TMEM117: variants seen among roughly 807,000 people sequenced by gnomAD.
TMEM117 encodes transmembrane protein 117.
In TMEM117, 27 loss-of-function variants were observed where a neutral mutation model predicts 52.4. The observed-to-expected ratio is 0.51, with a 90% CI of 0.38 to 0.71. The LOEUF is 0.71. Ranked by LOEUF, TMEM117 falls within the 30% of genes least tolerant of loss-of-function variation. The pLI is 0.00. For missense variants in TMEM117, 556 were observed against 630.5 expected (o/e 0.88, Z 1.26); for synonymous variants, 215 against 206.3 (o/e 1.04, Z -0.36).
chr12:43,906,704 T>A (rs1398439936), intron 2 of TMEM117, among the ~76,000 whole-genome samples: 1 of 152,076 alleles, frequency 6.6e-6, no homozygotes, highest in Non-Finnish European at 1.5e-5. Context: ...GGTCAGGGAG[T>A]TCCCTTTCCT....
At chr12:44,241,605 C>T (rs749647607) in intron 5 of TMEM117, among the ~76,000 whole-genome samples, 12 of 151,790 alleles carry the variant, frequency 7.9e-5, no homozygotes, top group Admixed American at 1.3e-4. Context: ...AAAACATTTT[C>T]TCTTTGGTTT....
intron 6 of TMEM117, among the ~76,000 whole-genome samples, chr12:44,373,771 CTTTTTTTTTTTTT>C (rs142046499): frequency 1.8e-4 from 11 of 60,038 alleles, no homozygotes; most frequent in African/African-American, 6.5e-4. Flanking sequence ...TGTCCATTTC[CTTTTTTTTTTTTT>C]TTTTTTTTTT....
intron 5 of TMEM117, among the ~76,000 whole-genome samples, chr12:44,252,830 G>C (rs570880890): frequency 2.0e-5 from 3 of 152,284 alleles, no homozygotes; most frequent in African/African-American, 7.2e-5. Flanking sequence ...CATTAAAGGG[G>C]CAGTATGGAC....
the TMEM117 span, among the ~76,000 whole-genome samples, chr12:44,399,034 A>G: frequency 2.6e-5 from 4 of 152,192 alleles, no homozygotes; most frequent in Admixed American, 1.3e-4. Flanking sequence ...TTACAAAATC[A>G]TAGCATCATT....
intron 3 of TMEM117, among the ~76,000 whole-genome samples, chr12:43,963,584 G>C (rs1410309894): frequency 6.6e-6 from 1 of 152,212 alleles, no homozygotes; most frequent in Non-Finnish European, 1.5e-5. Context: ...TTTAAAGACA[G>C]ATTTCCCTGA....
At chr12:43,873,803 G>C (rs1943746651) in intron 2 of TMEM117, among the ~76,000 whole-genome samples, 1 of 151,862 alleles carries the variant, frequency 6.6e-6, no homozygotes, top group African/African-American at 2.4e-5. Flanking sequence ...AGAATACTTT[G>C]ATAAGTTCTC....
chr12:44,366,689 G>A (rs1951794265), intron 6 of TMEM117, among the ~76,000 whole-genome samples: 1 of 152,058 alleles, frequency 6.6e-6, no homozygotes, highest in African/African-American at 2.4e-5. Context: ...TCATTGGGTG[G>A]TCCAAAGGGG....
At chr12:44,338,051 T>C (rs79028746) in intron 6 of TMEM117, among the ~76,000 whole-genome samples, 4,231 of 152,196 alleles carry the variant, frequency 0.028, 98 homozygotes, top group African/African-American at 0.055. Context: ...GCTTTCAGAA[T>C]CTTGTTTTAA....
intron 3 of TMEM117, among the ~76,000 whole-genome samples, chr12:43,957,314 A>G (rs1945325180): frequency 6.6e-6 from 1 of 152,214 alleles, no homozygotes; most frequent in Non-Finnish European, 1.5e-5. Flanking sequence ...TTAAAAAAAG[A>G]AAAAGCTATA....
At chr12:44,020,623 A>G (rs1186117789) in intron 3 of TMEM117, among the ~76,000 whole-genome samples, 1 of 152,224 alleles carries the variant, frequency 6.6e-6, no homozygotes, top group Non-Finnish European at 1.5e-5. Flanking sequence ...CACTAAGGCT[A>G]TGAATGCTGA....
intron 4 of TMEM117, among the ~76,000 whole-genome samples, chr12:44,169,407 G>A (rs1001820551): frequency 5.9e-5 from 9 of 152,118 alleles, no homozygotes; most frequent in Admixed American, 3.9e-4. Flanking sequence ...GTGAAGTCGT[G>A]TCTCTTCATG....
intron 3 of TMEM117, among the ~76,000 whole-genome samples, chr12:43,961,602 T>G (rs1945404617): frequency 6.6e-6 from 1 of 152,216 alleles, no homozygotes; most frequent in Non-Finnish European, 1.5e-5. Flanking sequence ...ATCTATAATA[T>G]TTCATTAGGG....
At chr12:44,085,126 A>G (rs1947545266) in intron 3 of TMEM117, among the ~76,000 whole-genome samples, 1 of 152,226 alleles carries the variant, frequency 6.6e-6, no homozygotes, top group East Asian at 1.9e-4. Flanking sequence ...ATTAATTCGT[A>G]AGACTACCTC....
At chr12:44,217,026 C>T (rs1171093049) in intron 5 of TMEM117, among the ~76,000 whole-genome samples, 1 of 152,082 alleles carries the variant, frequency 6.6e-6, no homozygotes, top group Non-Finnish European at 1.5e-5. Flanking sequence ...ACAAAAGGAA[C>T]TTAGTTGTTT....
intron 2 of TMEM117, among the ~76,000 whole-genome samples, chr12:43,878,373 C>G (rs1943839805): frequency 1.3e-5 from 2 of 152,106 alleles, no homozygotes; most frequent in South Asian, 4.2e-4. Context: ...CTCAGAAAGG[C>G]TGCTGAAAAT....
chr12:44,328,973 A>G (rs1951232398), intron 6 of TMEM117, among the ~76,000 whole-genome samples: 1 of 151,848 alleles, frequency 6.6e-6, no homozygotes, highest in African/African-American at 2.4e-5. Context: ...CCTAACTTCC[A>G]CAGAGATGCC....
At chr12:44,272,987 A>G (rs1475422895) in intron 5 of TMEM117, among the ~76,000 whole-genome samples, 2 of 152,228 alleles carry the variant, frequency 1.3e-5, no homozygotes, top group Non-Finnish European at 2.9e-5. Context: ...TCCAACAATG[A>G]TAGATTGGAT....
intron 2 of TMEM117, among the ~76,000 whole-genome samples, chr12:43,896,222 G>A (rs774645979): frequency 2.0e-5 from 3 of 152,206 alleles, no homozygotes; most frequent in Non-Finnish European, 4.4e-5. Context: ...AGGCACTGGA[G>A]ATATAAAGGT....
At chr12:44,060,236 A>G (rs1233783081) in intron 3 of TMEM117, among the ~76,000 whole-genome samples, 1 of 152,122 alleles carries the variant, frequency 6.6e-6, no homozygotes, top group African/African-American at 2.4e-5. Flanking sequence ...CTTTTCTTTT[A>G]CCAAACCATC....
Sources: allele counts gnomAD v4.1 joint callset (sites outside exome capture counted in the v4.1 genomes callset), GRCh38; gene constraint gnomAD v4.1.1; transcripts MANE v1.5; gene names NCBI Gene and HGNC (gene_info 2026-07-23, HGNC 2026-07-21).